Variants in EPHA4 observed in about 807,000 individuals in gnomAD.
The protein encoded by EPHA4 is ephrin type-A receptor 4.
In EPHA4, 19 loss-of-function variants were observed where a neutral mutation model predicts 108.3. The observed-to-expected ratio is 0.18, with a 90% confidence interval of 0.12 to 0.26. EPHA4 has a LOEUF of 0.26. Ranked by LOEUF, EPHA4 falls within the 10% of genes least tolerant of loss-of-function variation. The pLI, the probability that EPHA4 is intolerant of heterozygous loss-of-function variation, is 1.00. For missense variants in EPHA4, 917 were observed against 1,254.0 expected, an observed-to-expected ratio of 0.73 and a Z score of 4.06; for synonymous variants, 449 against 455.5, an observed-to-expected ratio of 0.99 and a Z score of 0.18.
chr2:221,515,132 G>C (rs896140863), intron 3 of EPHA4, among the ~76,000 whole-genome samples: 1 of 152,160 alleles, frequency 6.6e-6, no homozygotes, highest in Non-Finnish European at 1.5e-5. Flanking sequence ...TTTTGCTCTT[G>C]TTGGCCAGGC....
chr2:221,479,264 A>G (rs1299731079), intron 5 of EPHA4, among the ~76,000 whole-genome samples: 1 of 152,248 alleles, frequency 6.6e-6, no homozygotes, highest in Non-Finnish European at 1.5e-5. Flanking sequence ...TGACATTAGC[A>G]TGGGTGAGTC....
chr2:221,509,312 G>A (rs1436420967), intron 3 of EPHA4, among the ~76,000 whole-genome samples: 1 of 152,186 alleles, frequency 6.6e-6, no homozygotes, highest in African/African-American at 2.4e-5. Flanking sequence ...TGGGCAACAA[G>A]AGCAAAACTC....
In EPHA4 at chr2:221,564,016, C is replaced by T; in HGVS notation, c.538G>A (p.Gly180Arg). 1 of 1,613,926 alleles carries T rather than the reference C, an allele frequency of 6.2e-7. No homozygotes were observed. Among genetic ancestry groups the T allele is most frequent in the South Asian group, 1.1e-5 (1 of 91,052 alleles). ...ACATCCTGAAAAGCCAGGTAAAACC[C>T]CTTTTTGCTTAATGGCCCTACATCC... ...IRDVGPLSKKGFYLAFQDVGA... is the reference protein window; with the variant it reads ...IRDVGPLSKKRFYLAFQDVGA... The change falls in exon 3 of 18, where the codon GGG becomes AGG. Residue 180 changes from glycine to arginine, a missense_variant. This residue lies in a region of EPHA4 where 758 missense variants were observed against 1,076.7 expected (regional missense o/e 0.70). Coordinates refer to ENST00000281821, the MANE Select transcript of EPHA4 (RefSeq NM_004438.5).
chr2:221,463,468 G>A (rs572856640), intron 5 of EPHA4, among the ~76,000 whole-genome samples: 33 of 152,232 alleles, frequency 2.2e-4, no homozygotes, highest in African/African-American at 7.9e-4. Context: ...GCACTGAGAA[G>A]GTACATGTGG....
chr2:221,523,483 C>T (rs898470246), intron 3 of EPHA4, among the ~76,000 whole-genome samples: 1 of 152,094 alleles, frequency 6.6e-6, no homozygotes, highest in Non-Finnish European at 1.5e-5. Context: ...GATGGGGTTT[C>T]TCCATGTTGG....
In EPHA4 at chr2:221,418,187, A is replaced by G. The variant is rs557192935; in HGVS notation, c.*3185T>C. On this transcript the variant is annotated 3_prime_UTR_variant, in exon 18 of 18. Coordinates refer to ENST00000281821, the MANE Select transcript of EPHA4 (RefSeq NM_004438.5). Reference sequence around the variant, plus strand: ...TCATGAAGGGAAGAAAAATACCTTGACAAATTAAAACAAAATAGAAAATCT... The same window carrying G: ...TCATGAAGGGAAGAAAAATACCTTGGCAAATTAAAACAAAATAGAAAATCT... The G allele has an allele frequency of 3.3e-4, 50 of 152,790 alleles. No homozygotes were observed. The highest frequency in any genetic ancestry group is 1.2e-3 in the African/African-American group (48 of 41,592). The allele number at this position is 152,790 out of a possible 1,614,324, so 9.5% of individuals were successfully genotyped here. A position where few individuals can be genotyped will look rare whatever the true frequency, so the allele number is the denominator to read the frequency against.
At chr2:221,440,592 C>T (rs1428952508) in intron 11 of EPHA4, among the ~76,000 whole-genome samples, 7 of 149,504 alleles carry the variant, frequency 4.7e-5, no homozygotes, top group Non-Finnish European at 8.8e-5. Context: ...ATTATATATC[C>T]TTCTCACCAA....
At chr2:221,438,314 G>C (rs562052663) in intron 11 of EPHA4, among the ~76,000 whole-genome samples, 1 of 152,106 alleles carries the variant, frequency 6.6e-6, no homozygotes, top group South Asian at 2.1e-4. Flanking sequence ...CTTGATCACA[G>C]GCAATAGGCT....
chr2:221,524,015 A>T lies in EPHA4; in HGVS notation c.824-22843T>A, dbSNP rs140274570. On this transcript the variant is annotated intron_variant, in intron 3 of 17. Transcript: ENST00000281821. Reference sequence around the variant, plus strand: ...ACAAAGCAAAACAAATATATATATAAAATGCCTTGTGGTGAGAAACGTTCT... The same window carrying T: ...ACAAAGCAAAACAAATATATATATATAATGCCTTGTGGTGAGAAACGTTCT... 7.4e-3 allele frequency among the ~76,000 whole-genome samples: 1,121 copies of T among 152,340 alleles called. 8 individuals carry two copies. The highest frequency in any genetic ancestry group is 0.023 in the South Asian group (111 of 4,822).
intron 4 of EPHA4, among the ~76,000 whole-genome samples, chr2:221,495,001 CAAAAAAA>C (rs5838887): frequency 9.4e-5 from 8 of 85,522 alleles, no homozygotes; most frequent in Admixed American, 3.8e-4. Context: ...GCAATGTTGC[CAAAAAAA>C]AAAAAAAAAA....
At chr2:221,553,356 C>T (rs1273306040) in intron 3 of EPHA4, among the ~76,000 whole-genome samples, 2 of 152,150 alleles carry the variant, frequency 1.3e-5, no homozygotes, top group African/African-American at 4.8e-5. Context: ...AAAGCAATAG[C>T]TGGGAAACGT....
At chr2:221,505,055 C>T (rs913134386) in intron 3 of EPHA4, among the ~76,000 whole-genome samples, 3 of 152,128 alleles carry the variant, frequency 2.0e-5, no homozygotes, top group Admixed American at 6.6e-5. Flanking sequence ...CCACACTTTG[C>T]TCTCTGTGAC....
At chr2:221,484,560 T>G (rs1449209104) in intron 4 of EPHA4, among the ~76,000 whole-genome samples, 1 of 152,226 alleles carries the variant, frequency 6.6e-6, no homozygotes, top group Non-Finnish European at 1.5e-5. Context: ...ACAAATTTCT[T>G]TCTTGTTTAG....
chr2:221,431,378 G>A (rs1690070988), intron 14 of EPHA4, among the ~76,000 whole-genome samples: 2 of 152,216 alleles, frequency 1.3e-5, no homozygotes, highest in African/African-American at 4.8e-5. Flanking sequence ...AAAAGAGTCT[G>A]TTGGGTCCAG....
intron 4 of EPHA4, among the ~76,000 whole-genome samples, chr2:221,487,368 C>T (rs192415054): frequency 1.7e-4 from 26 of 152,198 alleles, no homozygotes; most frequent in Admixed American, 5.9e-4. Context: ...GTGTAACCAG[C>T]GACGGCTGGG....
At chr2:221,424,919 G>A (rs79062349) in intron 17 of EPHA4, among the ~76,000 whole-genome samples, 2,810 of 152,252 alleles carry the variant, frequency 0.018, 101 homozygotes, top group African/African-American at 0.064. Context: ...GGAGCCCTTC[G>A]TGATGGAAAG....
chr2:221,504,071 G>A (rs1459829016), intron 3 of EPHA4, among the ~76,000 whole-genome samples: 1 of 152,142 alleles, frequency 6.6e-6, no homozygotes, highest in Non-Finnish European at 1.5e-5. Context: ...AACAAGCATT[G>A]ACTGTTAGTA....
chr2:221,572,218 A>G lies in EPHA4; in HGVS notation c.31T>C (p.Ser11Pro). The G allele has an allele frequency of 6.2e-7, 1 of 1,614,162 alleles. No individual in the cohort carries two copies. Among genetic ancestry groups the G allele is most frequent in the Non-Finnish European group, 8.5e-7 (1 of 1,179,978 alleles). ...GCGTCGCAAATCCCGAAGAGACACGAAAATAGGGCGAAATAGAAAATCCCA... is the reference window on the plus strand; with the variant it reads ...GCGTCGCAAATCCCGAAGAGACACGGAAATAGGGCGAAATAGAAAATCCCA... MAGIFYFALFSCLFGICDAVT... is the reference protein window; with the variant it reads MAGIFYFALFPCLFGICDAVT... The change falls in exon 1 of 18, where the codon TCG becomes CCG. Residue 11 changes from serine to proline, a missense_variant. By Grantham distance (74) the Ser-to-Pro change is moderately conservative. Coordinates refer to ENST00000281821, the MANE Select transcript of EPHA4 (RefSeq NM_004438.5).
At chr2:221,421,923 CTT>C (rs1446209872) in intron 17 of EPHA4, 1 of 152,012 alleles carries the variant, frequency 6.6e-6, no homozygotes, top group Admixed American at 6.5e-5. Context: ...GTAGAAAACA[CTT>C]TAGTCTATTT....
Sources: gnomAD v4.1 joint callset for allele counts (sites outside exome capture counted in the v4.1 genomes callset) on GRCh38, gnomAD v4.1.1 for gene constraint, gnomAD v4.1.1 regional missense constraint, MANE v1.5 for transcripts, NCBI Gene and HGNC (gene_info 2026-07-23, HGNC 2026-07-21) for gene names.